The following RPS9 variants were observed in gnomAD, a reference collection of about 807,000 sequenced individuals.
RPS9 encodes the protein small ribosomal subunit protein uS4.
A neutral mutation model predicts 16.9 loss-of-function variants in RPS9; 1 was observed. The ratio of observed to expected loss-of-function variants is 0.06; its 90% CI spans 0.02 to 0.28. The LOEUF (loss-of-function observed/expected upper bound fraction) is 0.28, where lower values mean the gene tolerates loss of function less well. Among genes scored for constraint, RPS9 ranks in the 10% least tolerant of loss-of-function variants. The pLI, the probability that RPS9 is intolerant of heterozygous loss-of-function variation, is 1.00. For missense variants in RPS9, 137 were observed against 273.2 expected (o/e 0.50, Z 3.51); for synonymous variants, 106 against 110.9 (o/e 0.96, Z 0.28).
At chr19:54,205,591 T>C (rs2077213907) in intron 3 of RPS9, among the ~76,000 whole-genome samples, 1 of 152,132 alleles carries the variant, frequency 6.6e-6, no homozygotes, top group African/African-American at 2.4e-5. Context: ...GCTGAGGATA[T>C]GAACTCTTCA....
intron 1 of RPS9, 31 bp from the exon 2 acceptor site, chr19:54,201,120 CCGTTTGGAT>C (rs1229021014): frequency 2.5e-6 from 4 of 1,610,206 alleles, no homozygotes; most frequent in Non-Finnish European, 3.4e-6. Context: ...TGCGCAGGCG[CCGTTTGGAT>C]CCCTTACGCT....
chr19:54,201,728 TCTAA>T (rs2077060303), intron 3 of RPS9, 119 bp downstream of exon 3: 2 of 1,496,306 alleles, frequency 1.3e-6, no homozygotes, highest in South Asian at 1.3e-5. Flanking sequence ...GAACCAGCCT[TCTAA>T]CTTTTAGTGG....
At position 54,201,814 on chromosome 19, in the gene RPS9, C is replaced by T. The variant is rs2077063628; in HGVS notation, c.220+205C>T. 3.5e-6 allele frequency: 4 copies of T among 1,137,234 alleles called. No homozygotes were observed. In the Admixed American group the frequency reaches 8.8e-5, roughly 25 times the overall value. The allele number at this position is 1,137,234 out of a possible 1,614,324, so 70.4% of individuals were successfully genotyped here. On this transcript the variant is annotated intron_variant, in intron 3 of 4. Transcript: ENST00000302907. The stretch of plus-strand genomic sequence containing the variant: ...TTCTTAGGTGTGTGGCTTTTTTGCC[C>T]AGTTATTGGACCTTCAGTTTAGTAA...
chr19:54,205,903 G>A (rs1315275414), intron 3 of RPS9, among the ~76,000 whole-genome samples: 4 of 152,008 alleles, frequency 2.6e-5, no homozygotes, highest in African/African-American at 7.2e-5. Context: ...TGCAACCTCC[G>A]CCTCCTGGGT....
chr19:54,203,443 C>T, intron 3 of RPS9: 1 of 371,396 alleles, frequency 2.7e-6, no homozygotes, highest in Non-Finnish European at 3.7e-6. Context: ...GACTGAACAG[C>T]CGCCAACATT....
At position 54,201,241 on chromosome 19, in the gene RPS9, C is replaced by T. The variant is rs773622158; in HGVS notation, c.57C>T (p.Pro19=). 2.1e-5 allele frequency: 34 copies of T among 1,612,354 alleles called. No individual in the cohort carries two copies. The highest frequency in any genetic ancestry group is 6.7e-5 in the African/African-American group (5 of 74,874). The change falls in exon 2 of 5, where the codon CCC becomes CCT. Residue 19 remains proline, a synonymous_variant. Transcript: ENST00000302907. ...AAACTTATGTGACCCCGCGGAGACC[C>T]TTCGAGAAATCTCGTCTCGACCAAG... ...CRKTYVTPRR[P]FEKSRLDQEL...
At chr19:54,206,194 T>C in intron 3 of RPS9, 82 bp from the exon 4 acceptor site, 2 of 1,416,800 alleles carry the variant, frequency 1.4e-6, no homozygotes, top group Non-Finnish European at 1.9e-6. Flanking sequence ...GGCATGGAGC[T>C]ACCAAGAGGC....
chr19:54,201,728 T>G, intron 3 of RPS9, 119 bp downstream of exon 3: 1 of 1,496,306 alleles, frequency 6.7e-7, no homozygotes, highest in Non-Finnish European at 8.9e-7. Flanking sequence ...GAACCAGCCT[T>G]CTAACTTTTA....
intron 4 of RPS9, 140 bp from the exon 5 acceptor site, chr19:54,207,258 C>A: frequency 1.5e-6 from 1 of 666,814 alleles, no homozygotes; most frequent in Non-Finnish European, 2.5e-6. Context: ...CACGTAGGAT[C>A]AGGTGCACCC....
chr19:54,205,217 G>A (rs2077198391), intron 3 of RPS9, among the ~76,000 whole-genome samples: 1 of 152,096 alleles, frequency 6.6e-6, no homozygotes, highest in African/African-American at 2.4e-5. Context: ...GTGAGCGGGA[G>A]CCTAGGGGAT....
rs966868467 is a variant in RPS9 at position 54,203,522 on chromosome 19, T to C, written c.220+1913T>C. 4.6e-5 allele frequency among the ~76,000 whole-genome samples: 7 copies of C among 152,194 alleles called. No homozygotes were observed. In the East Asian group the frequency reaches 1.4e-3, roughly 29 times the overall value. ...GCTCATGCCTGTAATCCCAGCACTT[T>C]GGGAGACCGAGGTGGTCGGATCACT... On this transcript the variant is annotated intron_variant, in intron 3 of 4. Transcript: ENST00000302907.
At chr19:54,207,302 G>T in intron 4 of RPS9, 96 bp from the exon 5 acceptor site, 1 of 1,061,940 alleles carries the variant, frequency 9.4e-7, no homozygotes, top group Non-Finnish European at 1.4e-6. Context: ...CAGCCGTGGC[G>T]GCCTCACGGG....
At chr19:54,206,173 C>A in intron 3 of RPS9, 103 bp from the exon 4 acceptor site, 1 of 1,174,226 alleles carries the variant, frequency 8.5e-7, no homozygotes, top group Non-Finnish European at 1.2e-6. Context: ...CTACTTGTGC[C>A]TCACCGCCGC....
Position 54,201,559 on chromosome 19 carries a change from C to A in RPS9, c.170C>A (p.Ala57Asp), listed in dbSNP as rs2077053042. The A allele has an allele frequency of 3.1e-6, 5 of 1,614,006 alleles. No individual in the cohort carries two copies. The highest frequency in any genetic ancestry group is 4.2e-6 in the Non-Finnish European group (5 of 1,180,024). ...KFTLAKIRKA[A>D]RELLTLDEKD... Reference sequence around the variant, plus strand: ...ACCCTGGCCAAGATCCGCAAGGCCGCCCGGGAACTGCTGACGCTTGATGAG... The same window carrying A: ...ACCCTGGCCAAGATCCGCAAGGCCGACCGGGAACTGCTGACGCTTGATGAG... The change falls in exon 3 of 5, where the codon GCC (alanine) becomes GAC (aspartate). Residue 57 changes from alanine (A) to aspartate (D), a missense_variant. Ala to Asp is a moderately radical substitution (Grantham distance 126, BLOSUM62 -2). Around this residue, in one of 3 missense-constraint regions of RPS9, gnomAD observed 64 missense variants for 164.0 expected, o/e 0.39. Transcript: ENST00000302907.
intron 4 of RPS9, 160 bp from the exon 5 acceptor site, chr19:54,207,238 C>T (rs2077273750): frequency 5.0e-6 from 3 of 605,720 alleles, no homozygotes; most frequent in Non-Finnish European, 8.6e-6. Flanking sequence ...CCCTAAAACC[C>T]CGGAGGGCGC....
intron 1 of RPS9, 129 bp from the exon 2 acceptor site, chr19:54,201,031 T>TA: frequency 6.8e-7 from 1 of 1,472,520 alleles, no homozygotes; most frequent in Non-Finnish European, 9.0e-7. Flanking sequence ...TGGGGGCAGA[T>TA]ACTGACTATG....
chr19:54,207,213 G>C, intron 4 of RPS9, 185 bp from the exon 5 acceptor site: 1 of 541,114 alleles, frequency 1.8e-6, no homozygotes, highest in Non-Finnish European at 3.3e-6. Context: ...AGCATTTTTG[G>C]GGATTAAGGT....
chr19:54,203,984 T>C (rs2077154602), intron 3 of RPS9, among the ~76,000 whole-genome samples: 1 of 152,202 alleles, frequency 6.6e-6, no homozygotes. Flanking sequence ...ATGCTTTTGT[T>C]GAAGGTGTAA....
At chr19:54,201,078 G>C (rs1290319796) in intron 1 of RPS9, 82 bp from the exon 2 acceptor site, 1 of 1,554,130 alleles carries the variant, frequency 6.4e-7, no homozygotes, top group Non-Finnish European at 8.7e-7. Context: ...ATCGGATCTG[G>C]GCTCCGCGAG....
Sources: allele counts gnomAD v4.1 joint callset (sites outside exome capture counted in the v4.1 genomes callset), GRCh38; gene constraint gnomAD v4.1.1; regional missense constraint gnomAD v4.1.1; transcripts MANE v1.5; gene names NCBI Gene and HGNC (gene_info 2026-07-23, HGNC 2026-07-21).